P4HA3: variants seen among roughly 807,000 people sequenced by gnomAD.
The protein encoded by P4HA3 is prolyl 4-hydroxylase subunit alpha 3, also known as prolyl 4-hydroxylase subunit alpha-3.
Under a neutral mutation model 66.7 loss-of-function variants are expected in P4HA3, and 60 were observed. The ratio of observed to expected loss-of-function variants is 0.90; its 90% CI spans 0.73 to 1.12. The LOEUF (loss-of-function observed/expected upper bound fraction) is 1.12, where lower values mean the gene tolerates loss of function less well. Among genes scored for constraint, P4HA3 ranks in the 50% most tolerant of loss-of-function variants. The probability of loss-of-function intolerance (pLI) is 0.00; values close to 1 mark genes in which losing one functional copy is unlikely to be tolerated. For missense variants in P4HA3, 683 were observed against 685.8 expected (o/e 1.00, Z 0.05); for synonymous variants, 263 against 274.6 (o/e 0.96, Z 0.42).
At chr11:74,297,047 T>C (rs1861242251) in intron 4 of P4HA3, among the ~76,000 whole-genome samples, 1 of 150,856 alleles carries the variant, frequency 6.6e-6, no homozygotes, top group Non-Finnish European at 1.5e-5. Context: ...TTCTCCTGCC[T>C]CAGCCTCCTG....
rs1235488747 is a variant in P4HA3 at position 74,268,243 on chromosome 11, T to C, written c.1468-2A>G. 6.2e-7 allele frequency: 1 copy of C among 1,612,848 alleles called. No homozygotes were observed. Among genetic ancestry groups the C allele is most frequent in the African/African-American group, 1.3e-5 (1 of 75,006 alleles). ...GTTCCACCAAAACAGTGCTGCATTC[T>C]GAAACAAGAGGGCCCAGCCCCAGGG... On this transcript the variant is annotated splice_acceptor_variant, in intron 11 of 12. Coordinates refer to ENST00000331597, the MANE Select transcript of P4HA3 (RefSeq NM_182904.5). LOFTEE classifies it high-confidence loss of function.
rs1861436893 is a variant in P4HA3 at position 74,302,438 on chromosome 11, G to A, written c.498C>T (p.Ala166=). 6.2e-7 allele frequency: 1 copy of A among 1,614,148 alleles called. No individual in the cohort carries two copies. Reference sequence around the variant, plus strand: ...GTTTGGGGCTGTACAGGTCAGTGATGGCAGAGCCAGTGACTCTCTGAAAGA... The same window carrying A: ...GTTTGGGGCTGTACAGGTCAGTGATAGCAGAGCCAGTGACTCTCTGAAAGA... ...RGVFQRVTGS[A]ITDLYSPKRL... The change falls in exon 3 of 13, where the codon GCC becomes GCT. Residue 166 remains alanine, a synonymous_variant. Transcript: ENST00000331597.
At chr11:74,299,667 G>GAAA (rs61624292) in intron 3 of P4HA3, among the ~76,000 whole-genome samples, 3 of 105,778 alleles carry the variant, frequency 2.8e-5, no homozygotes, top group Admixed American at 1.1e-4. Flanking sequence ...ATATTTTCAA[G>GAAA]AAAAAAAAAA....
chr11:74,268,687 T>C (rs1860080998), intron 11 of P4HA3, among the ~76,000 whole-genome samples: 1 of 152,188 alleles, frequency 6.6e-6, no homozygotes, highest in African/African-American at 2.4e-5. Flanking sequence ...CACTTATGAT[T>C]AACACTTTCA....
intron 3 of P4HA3, among the ~76,000 whole-genome samples, chr11:74,299,053 G>A (rs1861315219): frequency 6.6e-6 from 1 of 152,214 alleles, no homozygotes; most frequent in African/African-American, 2.4e-5. Context: ...TCCTGTAAGA[G>A]CTTAAATCAA....
At chr11:74,279,975 T>C (rs995973862) in intron 7 of P4HA3, among the ~76,000 whole-genome samples, 1 of 152,208 alleles carries the variant, frequency 6.6e-6, no homozygotes, top group Non-Finnish European at 1.5e-5. Flanking sequence ...GAGTCTGTTT[T>C]TGCTACAACC....
chr11:74,300,887 C>T (rs1206020409), intron 3 of P4HA3, among the ~76,000 whole-genome samples: 1 of 152,162 alleles, frequency 6.6e-6, no homozygotes, highest in Non-Finnish European at 1.5e-5. Flanking sequence ...CAACAGGAGA[C>T]TGGATCAACA....
At chr11:74,292,411 A>G (rs1565416929) in intron 4 of P4HA3, among the ~76,000 whole-genome samples, 1 of 151,894 alleles carries the variant, frequency 6.6e-6, no homozygotes, top group East Asian at 1.9e-4. Flanking sequence ...TGGATTCATT[A>G]ATTTTTTGAA....
Position 74,311,262 on chromosome 11 carries a change from A to ATTG in P4HA3, c.200+149_200+150insCAA, listed in dbSNP as rs1861734195. ...GAGCCACTCCCCACCCCATGCCACA[A>ATTG]TGTCTCAGTCGCACGGTGCGACAGT... On this transcript the variant is annotated intron_variant, in intron 1 of 12. Coordinates refer to ENST00000331597, the MANE Select transcript of P4HA3 (RefSeq NM_182904.5). 3 of 930,518 alleles carry ATTG rather than the reference A, an allele frequency of 3.2e-6. No homozygotes were observed. In the South Asian group the frequency reaches 6.1e-5, roughly 19 times the overall value. The allele number at this position is 930,518 out of a possible 1,614,324, so 57.6% of individuals were successfully genotyped here.
rs753137058 is a variant in P4HA3 at position 74,304,223 on chromosome 11, A to G, written c.343+47T>C. 2.5e-6 allele frequency: 4 copies of G among 1,602,098 alleles called. No individual in the cohort carries two copies. In the Admixed American group the frequency reaches 5.1e-5, roughly 20 times the overall value. Reference sequence around the variant, plus strand: ...GAATCTCTCTCCTTACCACCGAGTCAGGAGATAGAATCTTCTCTCTTACCC... The same window carrying G: ...GAATCTCTCTCCTTACCACCGAGTCGGGAGATAGAATCTTCTCTCTTACCC... On this transcript the variant is annotated intron_variant, in intron 2 of 12. Coordinates refer to ENST00000331597, the MANE Select transcript of P4HA3 (RefSeq NM_182904.5).
chr11:74,280,531 T>C (rs1359161062), intron 7 of P4HA3, among the ~76,000 whole-genome samples: 1 of 152,218 alleles, frequency 6.6e-6, no homozygotes, highest in Non-Finnish European at 1.5e-5. Flanking sequence ...TATTTATTTA[T>C]ATGAGGGTAA....
intron 1 of P4HA3, among the ~76,000 whole-genome samples, chr11:74,305,562 GAGA>G (rs1479584428): frequency 6.6e-6 from 1 of 152,134 alleles, no homozygotes; most frequent in African/African-American, 2.4e-5. Context: ...GAACAAAGAA[GAGA>G]AGAAGAGTAT....
chr11:74,269,659 A>T lies in P4HA3; in HGVS notation c.1460T>A (p.Val487Glu). Residue 487 changes from valine to glutamate, a missense_variant, in exon 11 of 13, where the codon GTG (valine) becomes GAG (glutamate). Transcript: ENST00000331597. ...GACCAGGGCCCCACTCACCCTAACC[A>T]CAGGCACGCTGAGGTTGGCATAGAT... ...AFIYANLSVP[V>E]VRNAALFWWN... 6.2e-7 allele frequency: 1 copy of T among 1,613,636 alleles called. No individual in the cohort carries two copies. Among genetic ancestry groups the T allele is most frequent in the Non-Finnish European group, 8.5e-7 (1 of 1,179,766 alleles).
Position 74,252,644 on chromosome 11 carries a change from G to A in P4HA3, c.*1319-4643C>T, listed in dbSNP as rs1591075482. Reference sequence around the variant, plus strand: ...TGTCCTGTGCATTGTAGGATGCTTAGCAGTATCCCTGGCTTTTACCCACCT... The same window carrying A: ...TGTCCTGTGCATTGTAGGATGCTTAACAGTATCCCTGGCTTTTACCCACCT... On this transcript the variant is annotated intron_variant and NMD_transcript_variant, in intron 15 of 15. Transcript: ENST00000524388. The A allele has an allele frequency of 7.3e-6, 3 of 410,200 alleles. No individual in the cohort carries two copies. The East Asian group carries it at 2.2e-4, about 30-fold the overall frequency. 25.4% of individuals were successfully genotyped at this position (410,200 alleles called of 1,614,324 possible).
intron 7 of P4HA3, among the ~76,000 whole-genome samples, chr11:74,279,823 C>T (rs1860529411): frequency 6.6e-6 from 1 of 152,132 alleles, no homozygotes; most frequent in Admixed American, 6.5e-5. Context: ...CAGGGTCAGG[C>T]ACAGGGCCTG....
chr11:74,277,407 T>C (rs951830326), intron 8 of P4HA3, among the ~76,000 whole-genome samples: 3 of 152,164 alleles, frequency 2.0e-5, no homozygotes, highest in Non-Finnish European at 4.4e-5. Flanking sequence ...ACAAAACCCC[T>C]GCCTTCAAAG....
At position 74,253,869 on chromosome 11, in the gene P4HA3, C is replaced by T. The variant is rs181636068; in HGVS notation, c.*1319-5868G>A. On this transcript the variant is annotated intron_variant and NMD_transcript_variant, in intron 15 of 15. Coordinates refer to the P4HA3 transcript ENST00000524388. ...ATACATCTGAGTTCAAATGTCTTCC[C>T]AGGCTCAGGGACCTCCATTCCTTGA... The T allele has an allele frequency of 3.2e-4, 124 of 386,656 alleles. 2 individuals are homozygous for T. The Admixed American group carries it at 4.0e-3, about 13-fold the overall frequency. 24.0% of individuals were successfully genotyped at this position (386,656 alleles called of 1,614,324 possible).
At position 74,285,885 on chromosome 11, in the gene P4HA3, T is replaced by C; in HGVS notation, c.1034A>G (p.Glu345Gly). The C allele has an allele frequency of 6.2e-7, 1 of 1,613,936 alleles. No homozygotes were observed. The highest frequency in any genetic ancestry group is 8.5e-7 in the Non-Finnish European group (1 of 1,179,816). Residue 345 changes from glutamate to glycine, a missense_variant, in exon 7 of 13, where the codon GAG (glutamate) becomes GGG (glycine). By Grantham distance (98) the Glu-to-Gly change is moderately conservative. Transcript: ENST00000331597. Reference protein sequence around the residue: ...QPIRKEVIHLEPYIALYHDFV... With the variant: ...QPIRKEVIHLGPYIALYHDFV... ...GTCATGGTAGAGAGCAATGTAGGGC[T>C]CCAGGTGGATGACCTCCTTCCGGAT...
intron 7 of P4HA3, among the ~76,000 whole-genome samples, chr11:74,282,153 C>A (rs1036977886): frequency 6.7e-6 from 1 of 150,058 alleles, no homozygotes; most frequent in African/African-American, 2.4e-5. Context: ...CAAAAAAAAA[C>A]CCTAAGGAAT....
Sources: gnomAD v4.1 joint callset for allele counts (sites outside exome capture counted in the v4.1 genomes callset) on GRCh38, gnomAD v4.1.1 for gene constraint, MANE v1.5 for transcripts, NCBI Gene and HGNC (gene_info 2026-07-23, HGNC 2026-07-21) for gene names.